The following BRWD3 variants were observed in gnomAD, a reference collection of about 807,000 sequenced individuals.
The protein encoded by BRWD3 is bromodomain and WD repeat-containing protein 3.
In BRWD3, 10 loss-of-function variants were observed where a neutral mutation model predicts 149.7. The ratio of observed to expected loss-of-function variants is 0.07; its 90% CI spans 0.04 to 0.11. The LOEUF (loss-of-function observed/expected upper bound fraction) is 0.11, where lower values mean the gene tolerates loss of function less well. Among genes scored for constraint, BRWD3 ranks in the 10% least tolerant of loss-of-function variants. The pLI is 1.00. For missense variants in BRWD3, 940 were observed against 1,373.2 expected (o/e 0.68, Z 4.99); for synonymous variants, 504 against 456.7 (o/e 1.10, Z -1.32).
intron 6 of BRWD3, among the ~76,000 whole-genome samples, chrX:80,757,348 C>T (rs926513531): frequency 8.9e-6 from 1 of 111,778 alleles, no homozygotes; most frequent in Non-Finnish European, 1.9e-5. Flanking sequence ...GCTTCTTCAC[C>T]CACTGTTGTT....
chrX:80,765,551 G>A (rs926769618), intron 6 of BRWD3, among the ~76,000 whole-genome samples: 4 of 111,837 alleles, frequency 3.6e-5, no homozygotes, highest in Admixed American at 1.9e-4. Context: ...CTACAACCAT[G>A]TGACCAGTTA....
At chrX:80,701,683 T>G (rs771362958) in intron 24 of BRWD3, among the ~76,000 whole-genome samples, 1 of 109,234 alleles carries the variant, frequency 9.2e-6, no homozygotes, top group Non-Finnish European at 1.9e-5. Flanking sequence ...GAATTTCTAA[T>G]AGCTAAAAAT....
intron 4 of BRWD3, among the ~76,000 whole-genome samples, chrX:80,800,657 G>A (rs12687265): frequency 0.084 from 9,171 of 109,251 alleles, 373 homozygotes; most frequent in South Asian, 0.19. Flanking sequence ...AAAATTAACT[G>A]GGTTTTCTCT....
At chrX:80,795,969 G>A (rs982055386) in intron 4 of BRWD3, among the ~76,000 whole-genome samples, 18 of 109,087 alleles carry the variant, frequency 1.7e-4, no homozygotes, top group East Asian at 5.8e-4. Flanking sequence ...ATTTTCTAAC[G>A]CATCTCTGGT....
intron 8 of BRWD3, 65 bp from the exon 9 acceptor site, chrX:80,736,153 A>C: frequency 2.9e-6 from 2 of 680,114 alleles, no homozygotes; most frequent in Non-Finnish European, 4.5e-6. Flanking sequence ...TCAAACACGG[A>C]GTATTTTCAA....
At chrX:80,730,492 A>C (rs1408735169) in intron 12 of BRWD3, among the ~76,000 whole-genome samples, 1 of 111,356 alleles carries the variant, frequency 9.0e-6, no homozygotes, top group East Asian at 2.8e-4. Flanking sequence ...AAACCTATAA[A>C]GACAAAAAGT....
chrX:80,737,911 T>C (rs765173436), intron 8 of BRWD3, among the ~76,000 whole-genome samples: 8 of 112,610 alleles, frequency 7.1e-5, no homozygotes, highest in African/African-American at 2.6e-4. Context: ...ATTCAGCTTA[T>C]TGCCTGCTTC....
At chrX:80,712,547 T>G (rs1296349229) in intron 20 of BRWD3, among the ~76,000 whole-genome samples, 6 of 110,933 alleles carry the variant, frequency 5.4e-5, no homozygotes, top group African/African-American at 1.3e-4. Context: ...AGTGCCGAGA[T>G]TGCAGCCTCT....
intron 4 of BRWD3, among the ~76,000 whole-genome samples, chrX:80,801,781 G>T (rs1490610433): frequency 9.0e-6 from 1 of 110,916 alleles, no homozygotes; most frequent in Non-Finnish European, 1.9e-5. Context: ...AGTGGAGGTT[G>T]CAGTGAGTGC....
intron 8 of BRWD3, among the ~76,000 whole-genome samples, chrX:80,741,754 GTTGT>G (rs1183581195): frequency 2.7e-5 from 3 of 111,724 alleles, no homozygotes; most frequent in Non-Finnish European, 3.8e-5. Context: ...TTTTGACGGG[GTTGT>G]TTGTTTTTTT....
intron 20 of BRWD3, chrX:80,709,848 C>A (rs1316469323): frequency 1.6e-5 from 8 of 506,005 alleles, no homozygotes; most frequent in Non-Finnish European, 2.7e-5. Flanking sequence ...CTCTGTACAA[C>A]GCAGAGTAAT....
At chrX:80,745,241 C>T (rs2073575512) in intron 7 of BRWD3, among the ~76,000 whole-genome samples, 1 of 111,339 alleles carries the variant, frequency 9.0e-6, no homozygotes, top group Non-Finnish European at 1.9e-5. Context: ...CTGAGTGACA[C>T]ATTAACAAAC....
Position 80,745,642 on chromosome X carries a change from T to C in BRWD3, c.518A>G (p.His173Arg). Residue 173 changes from histidine to arginine, a missense_variant, in exon 7 of 41, where the codon CAT becomes CGT. Coordinates refer to ENST00000373275, the MANE Select transcript of BRWD3 (RefSeq NM_153252.5). ...PSSAYQHIKM[H>R]KRILGHLSSV... Reference sequence around the variant, plus strand: ...TGACAAGTGCCCCAGAATTCTCTTATGCATCTTAATGTGCTGGTAAGCAGA... The same window carrying C: ...TGACAAGTGCCCCAGAATTCTCTTACGCATCTTAATGTGCTGGTAAGCAGA... The C allele has an allele frequency of 8.3e-7, 1 of 1,209,093 alleles. No homozygotes were observed. Among genetic ancestry groups the C allele is most frequent in the Non-Finnish European group, 1.1e-6 (1 of 893,601 alleles).
intron 14 of BRWD3, among the ~76,000 whole-genome samples, chrX:80,726,992 G>GA (rs71904190): frequency 6.2e-4 from 64 of 103,421 alleles, no homozygotes; most frequent in South Asian, 2.5e-3. Flanking sequence ...GTACATTAGG[G>GA]AAAAAAAAAA....
chrX:80,735,192 C>A lies in BRWD3; in HGVS notation c.920G>T (p.Arg307Leu). ...GGATCTCTCAGTAAATTTCACCGGGCGATCTCTAAAGATAAAAATAAGGTG... is the reference window on the plus strand; with the variant it reads ...GGATCTCTCAGTAAATTTCACCGGGAGATCTCTAAAGATAAAAATAAGGTG... ...WHVKTMKFRD[R>L]PVKFTERSRP... Residue 307 changes from arginine to leucine, a missense_variant, in exon 10 of 41, where the codon CGC becomes CTC. Physicochemically the swap from Arg to Leu is moderately radical, Grantham distance 102. This residue lies in a region of BRWD3 where 209 missense variants were observed against 396.8 expected (regional missense o/e 0.53). Coordinates refer to ENST00000373275, the MANE Select transcript of BRWD3 (RefSeq NM_153252.5). 1 of 1,204,018 alleles carries A rather than the reference C, an allele frequency of 8.3e-7. No homozygotes were observed. Among genetic ancestry groups the A allele is most frequent in the Non-Finnish European group, 1.1e-6 (1 of 889,189 alleles).
intron 40 of BRWD3, among the ~76,000 whole-genome samples, chrX:80,680,604 C>G (rs950472322): frequency 9.0e-6 from 1 of 110,886 alleles, no homozygotes; most frequent in Non-Finnish European, 1.9e-5. Flanking sequence ...GTGGTAGAAG[C>G]GGTTATTGAC....
In BRWD3 at chrX:80,802,386, G is replaced by A. The variant is rs190365549; in HGVS notation, c.180+6153C>T. ...GTACCTGGGAGGCGGAGGTTGCAGT[G>A]AGCCAAGATCGCACCACTGCACTCC... On this transcript the variant is annotated intron_variant, in intron 4 of 40. Transcript: ENST00000373275. Among the ~76,000 whole-genome samples, 79 of 97,459 alleles carry A rather than the reference G, an allele frequency of 8.1e-4. No individual in the cohort carries two copies. In the East Asian group the frequency reaches 0.023, roughly 29 times the overall value. 84.6% of individuals were successfully genotyped at this position (97,459 alleles called of 115,157 possible).
chrX:80,752,296 ATCCACTGATGG>A (rs1303919308), intron 6 of BRWD3, among the ~76,000 whole-genome samples: 1 of 111,038 alleles, frequency 9.0e-6, no homozygotes, highest in East Asian at 2.8e-4. Flanking sequence ...TTATCCATTC[ATCCACTGATGG>A]ACACTTAAGT....
chrX:80,768,619 C>A (rs918240872), intron 6 of BRWD3, among the ~76,000 whole-genome samples: 2 of 111,555 alleles, frequency 1.8e-5, no homozygotes, highest in South Asian at 7.5e-4. Flanking sequence ...CCAGCCACTG[C>A]AAAAACATAC....
Sources: gnomAD v4.1 joint callset for allele counts (sites outside exome capture counted in the v4.1 genomes callset) on GRCh38, gnomAD v4.1.1 for gene constraint, gnomAD v4.1.1 regional missense constraint, MANE v1.5 for transcripts, NCBI Gene and HGNC (gene_info 2026-07-23, HGNC 2026-07-21) for gene names.